CSMD1: variants seen among roughly 807,000 people sequenced by gnomAD.
CSMD1 encodes the protein CUB and sushi domain-containing protein 1.
A neutral mutation model predicts 417.5 loss-of-function variants in CSMD1; 213 were observed. The observed-to-expected ratio is 0.51, with a 90% CI of 0.46 to 0.57. The LOEUF (loss-of-function observed/expected upper bound fraction) is 0.57. Ranked by LOEUF, CSMD1 falls within the 20% of genes least tolerant of loss-of-function variation. The pLI is 0.00. For missense variants in CSMD1, 6,923 were observed against 4,529.7 expected (o/e 1.53, Z -15.17); for synonymous variants, 2,862 against 1,736.8 (o/e 1.65, Z -16.11).
At chr8:4,212,890 G>C (rs993665759) in intron 3 of CSMD1, among the ~76,000 whole-genome samples, 8 of 151,346 alleles carry the variant, frequency 5.3e-5, no homozygotes, top group African/African-American at 9.7e-5. Context: ...CAACAGTTTA[G>C]AGGCTGAGCT....
intron 3 of CSMD1, among the ~76,000 whole-genome samples, chr8:4,138,318 G>C (rs1346105031): frequency 1.3e-5 from 2 of 149,986 alleles, no homozygotes; most frequent in African/African-American, 2.5e-5. Context: ...CTTCAGAGTT[G>C]AGATTTACAC....
chr8:4,842,679 T>A (rs945714769), intron 1 of CSMD1, among the ~76,000 whole-genome samples: 3 of 152,200 alleles, frequency 2.0e-5, no homozygotes, highest in African/African-American at 7.2e-5. Context: ...AACTCAGGAA[T>A]TTTAATAAAA....
At chr8:3,363,024 C>T (rs1045891298) in intron 20 of CSMD1, among the ~76,000 whole-genome samples, 3 of 152,116 alleles carry the variant, frequency 2.0e-5, no homozygotes, top group African/African-American at 7.2e-5. Context: ...TGTTATCTGC[C>T]CTCCATAACT....
At chr8:4,049,836 T>C (rs1208809737) in intron 3 of CSMD1, among the ~76,000 whole-genome samples, 1 of 152,166 alleles carries the variant, frequency 6.6e-6, no homozygotes, top group African/African-American at 2.4e-5. Context: ...CAGTGACCAA[T>C]ATTGGCATAT....
At chr8:4,032,719 G>A (rs1334992915) in intron 3 of CSMD1, among the ~76,000 whole-genome samples, 6 of 152,160 alleles carry the variant, frequency 3.9e-5, no homozygotes, top group African/African-American at 1.4e-4. Flanking sequence ...TATAGTGTCT[G>A]ATTCAAAAGC....
At chr8:4,388,147 C>A (rs1335465818) in intron 3 of CSMD1, among the ~76,000 whole-genome samples, 1 of 152,130 alleles carries the variant, frequency 6.6e-6, no homozygotes, top group Non-Finnish European at 1.5e-5. Context: ...AAACTTACTT[C>A]TACCAACAGT....
At chr8:4,319,406 C>A (rs146994958) in intron 3 of CSMD1, among the ~76,000 whole-genome samples, 1 of 152,078 alleles carries the variant, frequency 6.6e-6, no homozygotes, top group Non-Finnish European at 1.5e-5. Context: ...ATAATCGATA[C>A]GTGAGCCCTA....
chr8:4,220,755 G>A (rs1372033108), intron 3 of CSMD1, among the ~76,000 whole-genome samples: 2 of 152,158 alleles, frequency 1.3e-5, no homozygotes, highest in East Asian at 3.9e-4. Context: ...AGAGAAACAG[G>A]GTGGAGAATA....
At chr8:3,883,085 T>C (rs1459395722) in intron 5 of CSMD1, among the ~76,000 whole-genome samples, 2 of 152,182 alleles carry the variant, frequency 1.3e-5, no homozygotes, top group African/African-American at 4.8e-5. Flanking sequence ...GACTATTTAC[T>C]CTAAGAATTC....
chr8:4,489,742 A>AGCTGCCGCGGTGTG (rs1053327979), intron 2 of CSMD1, among the ~76,000 whole-genome samples: 5 of 152,296 alleles, frequency 3.3e-5, no homozygotes, highest in African/African-American at 1.2e-4. Flanking sequence ...GGGAAGAAGC[A>AGCTGCCGCGGTGTG]GCTGCCGCGG....
At chr8:3,773,074 T>C (rs1798704360) in intron 5 of CSMD1, among the ~76,000 whole-genome samples, 1 of 152,142 alleles carries the variant, frequency 6.6e-6, no homozygotes, top group South Asian at 2.1e-4. Flanking sequence ...GGGCCTCTTC[T>C]ATAAGGACAC....
intron 3 of CSMD1, among the ~76,000 whole-genome samples, chr8:4,381,634 C>G (rs1451305178): frequency 6.6e-6 from 1 of 152,192 alleles, no homozygotes; most frequent in Non-Finnish European, 1.5e-5. Flanking sequence ...CCCTCCACCC[C>G]TTGTAGGCAA....
intron 10 of CSMD1, among the ~76,000 whole-genome samples, chr8:3,568,378 C>G (rs538265247): frequency 1.3e-5 from 2 of 152,188 alleles, no homozygotes; most frequent in South Asian, 2.1e-4. Flanking sequence ...TGAGTCTGTA[C>G]AGTTTTTGTC....
At chr8:3,554,764 G>C (rs924724514) in intron 10 of CSMD1, among the ~76,000 whole-genome samples, 5 of 152,186 alleles carry the variant, frequency 3.3e-5, no homozygotes, top group Non-Finnish European at 7.3e-5. Flanking sequence ...GAGCGGGGGA[G>C]GGAGTAAATC....
At chr8:3,014,527 C>T (rs1808674551) in intron 52 of CSMD1, among the ~76,000 whole-genome samples, 1 of 152,052 alleles carries the variant, frequency 6.6e-6, no homozygotes, top group Admixed American at 6.6e-5. Flanking sequence ...ATTTTTAGTC[C>T]CCTCAGCTGA....
intron 10 of CSMD1, among the ~76,000 whole-genome samples, chr8:3,497,010 T>C (rs1417776876): frequency 6.6e-6 from 1 of 152,222 alleles, no homozygotes; most frequent in Non-Finnish European, 1.5e-5. Context: ...ATATACTTGA[T>C]ATGATTTAGA....
chr8:4,761,585 T>C (rs556680745), intron 1 of CSMD1, among the ~76,000 whole-genome samples: 1 of 152,252 alleles, frequency 6.6e-6, no homozygotes, highest in Admixed American at 6.5e-5. Flanking sequence ...ATAGCTGCGA[T>C]GGTTACCTCT....
chr8:3,300,313 A>C (rs1283522374), intron 25 of CSMD1, among the ~76,000 whole-genome samples: 1 of 152,178 alleles, frequency 6.6e-6, no homozygotes, highest in Non-Finnish European at 1.5e-5. Context: ...CACCTTTTCA[A>C]GTGTAGTTTT....
intron 6 of CSMD1, among the ~76,000 whole-genome samples, chr8:3,737,319 G>A (rs1428287302): frequency 6.6e-6 from 1 of 152,174 alleles, no homozygotes; most frequent in Non-Finnish European, 1.5e-5. Flanking sequence ...GGCAAAGACA[G>A]CTGACCACAA....
Sources: allele counts gnomAD v4.1 joint callset (sites outside exome capture counted in the v4.1 genomes callset), GRCh38; gene constraint gnomAD v4.1.1; transcripts MANE v1.5; gene names NCBI Gene and HGNC (gene_info 2026-07-23, HGNC 2026-07-21).